The following EFCAB6 variants were observed in gnomAD, a reference collection of about 807,000 sequenced individuals.
EFCAB6 encodes EF-hand calcium-binding domain-containing protein 6.
In EFCAB6, 156 loss-of-function variants were observed where a neutral mutation model predicts 169.8. That is an observed-to-expected ratio of 0.92 (90% CI 0.81 to 1.05). The LOEUF (loss-of-function observed/expected upper bound fraction) is 1.05. Among genes scored for constraint, EFCAB6 ranks in the 50% least tolerant of loss-of-function variants. The pLI, the probability that EFCAB6 is intolerant of heterozygous loss-of-function variation, is 0.00. For synonymous variants in EFCAB6, 698 were observed against 676.4 expected (o/e 1.03, Z -0.50); for missense variants, 1,800 against 1,829.1 (o/e 0.98, Z 0.29).
At chr22:43,632,006 C>T in intron 19 of EFCAB6, 99 bp downstream of exon 19, 1 of 1,496,892 alleles carries the variant, frequency 6.7e-7, no homozygotes, top group South Asian at 1.4e-5. Flanking sequence ...CTTGGGCTGA[C>T]TGGGACATGA....
At chr22:43,671,113 G>A (rs1199925703) in intron 15 of EFCAB6, among the ~76,000 whole-genome samples, 3 of 152,230 alleles carry the variant, frequency 2.0e-5, no homozygotes, top group Non-Finnish European at 4.4e-5. Flanking sequence ...GCTGGTGGAG[G>A]GCCTGTGAAC....
chr22:43,612,283 G>A (rs1483068596), intron 21 of EFCAB6, among the ~76,000 whole-genome samples: 2 of 152,008 alleles, frequency 1.3e-5, no homozygotes, highest in Non-Finnish European at 2.9e-5. Flanking sequence ...ATTTCATGAC[G>A]AAAGAAAAAA....
chr22:43,666,450 C>T (rs2057252310), intron 17 of EFCAB6, among the ~76,000 whole-genome samples: 1 of 152,200 alleles, frequency 6.6e-6, no homozygotes, highest in Admixed American at 6.5e-5. Context: ...TATTTTATTG[C>T]CTTCTTCTAA....
chr22:43,637,998 A>G (rs1320277600), intron 17 of EFCAB6, among the ~76,000 whole-genome samples: 2 of 152,214 alleles, frequency 1.3e-5, no homozygotes, highest in African/African-American at 4.8e-5. Context: ...GTGAGGTGCC[A>G]GGGAGATTCG....
chr22:43,762,718 T>A (rs184009329), intron 5 of EFCAB6, among the ~76,000 whole-genome samples: 1 of 152,338 alleles, frequency 6.6e-6, no homozygotes, highest in East Asian at 1.9e-4. Context: ...GAGTAACTCA[T>A]GATCTCTTTC....
chr22:43,690,025 G>C (rs1195787601), intron 10 of EFCAB6, among the ~76,000 whole-genome samples: 1 of 152,166 alleles, frequency 6.6e-6, no homozygotes, highest in East Asian at 1.9e-4. Flanking sequence ...GACAGCCCAT[G>C]AGTCTGCCCA....
At position 43,667,213 on chromosome 22, in the gene EFCAB6, A is replaced by G. The variant is rs369508194; in HGVS notation, c.1874T>C (p.Ile625Thr). The part of the protein sequence containing the change: ...LTKKMTTEEV[I>T]EKFKKCIQQQ... Reference sequence around the variant, plus strand: ...CTGTATACACTTTTTGAATTTTTCAATCACTTCTTCTGTGGTCATCTTCTT... The same window carrying G: ...CTGTATACACTTTTTGAATTTTTCAGTCACTTCTTCTGTGGTCATCTTCTT... The change falls in exon 17 of 32, where the codon ATT becomes ACT. Residue 625 changes from isoleucine to threonine, a missense_variant. Transcript: ENST00000262726. The G allele has an allele frequency of 3.0e-5, 48 of 1,614,084 alleles. No individual in the cohort carries two copies. The highest frequency in any genetic ancestry group is 2.2e-4 in the East Asian group (10 of 44,880).
At chr22:43,766,461 T>C (rs900838462) in intron 4 of EFCAB6, among the ~76,000 whole-genome samples, 2 of 152,204 alleles carry the variant, frequency 1.3e-5, no homozygotes, top group Admixed American at 1.3e-4. Flanking sequence ...AATAGGTCAA[T>C]CTCAATGAGG....
chr22:43,533,954 CAAAT>C (rs1353230359), intron 30 of EFCAB6, among the ~76,000 whole-genome samples: 10 of 152,158 alleles, frequency 6.6e-5, no homozygotes, highest in Admixed American at 1.3e-4. Flanking sequence ...GCAAGTGCGA[CAAAT>C]TAACAAAAAC....
chr22:43,666,691 GTTTTTTTTTTTTTTTTTTTTTTTTC>G (rs2057268282), intron 17 of EFCAB6, among the ~76,000 whole-genome samples: 10 of 77,886 alleles, frequency 1.3e-4, no homozygotes, highest in African/African-American at 5.1e-4. Context: ...CTGCCAGATT[GTTTTTTTTTTTTTTTTTTTTTTTTC>G]ATTCTAGAGG....
At chr22:43,545,095 C>T (rs537759467) in intron 27 of EFCAB6, among the ~76,000 whole-genome samples, 29 of 152,184 alleles carry the variant, frequency 1.9e-4, no homozygotes, top group African/African-American at 5.5e-4. Flanking sequence ...TGCAGTGAGC[C>T]GAGATCGCAC....
intron 3 of EFCAB6, among the ~76,000 whole-genome samples, chr22:43,776,252 G>A (rs1392846940): frequency 6.6e-6 from 1 of 152,208 alleles, no homozygotes; most frequent in African/African-American, 2.4e-5. Context: ...AGAAGGGGCC[G>A]TGGGAAACAC....
Position 43,773,047 on chromosome 22 carries a change from G to T in EFCAB6, c.196C>A (p.Gln66Lys). Residue 66 changes from glutamine to lysine, a missense_variant, in exon 4 of 32, where the codon CAA (glutamine) becomes AAA (lysine). Physicochemically the swap from Gln to Lys is moderately conservative, Grantham distance 53. Transcript: ENST00000262726. ...TCATCCCCTCTGTCGGTAATTTTTT[G>T]AAATAAAATCCGTTTAACATCTAAG... ...SSLDVKRILF[Q>K]KITDRGDELQ... is the part of the protein sequence containing the mutation. The T allele has an allele frequency of 6.2e-7, 1 of 1,614,178 alleles. No homozygotes were observed.
intron 26 of EFCAB6, among the ~76,000 whole-genome samples, chr22:43,562,293 G>A (rs1883602): frequency 0.75 from 113,809 of 152,050 alleles, 42,717 homozygotes; most frequent in Admixed American, 0.81. Flanking sequence ...CAAAATACAT[G>A]AAAGAAATAA....
chr22:43,646,730 G>A (rs1020061588), intron 17 of EFCAB6, among the ~76,000 whole-genome samples: 4 of 152,074 alleles, frequency 2.6e-5, no homozygotes, highest in Non-Finnish European at 5.9e-5. Context: ...AGAAGTTCAG[G>A]CTAACTAAAA....
intron 10 of EFCAB6, among the ~76,000 whole-genome samples, chr22:43,693,801 C>T (rs191512043): frequency 2.0e-5 from 3 of 151,626 alleles, no homozygotes; most frequent in Non-Finnish European, 4.4e-5. Context: ...AGCATTATGC[C>T]AATACATTTG....
intron 29 of EFCAB6, chr22:43,535,336 G>A (rs1707403788): frequency 6.5e-6 from 1 of 154,202 alleles, no homozygotes; most frequent in Admixed American, 6.5e-5. Flanking sequence ...TCTAGTGTCT[G>A]TTATGCAAGG....
chr22:43,716,210 T>C (rs1310548081), intron 9 of EFCAB6, among the ~76,000 whole-genome samples: 1 of 152,216 alleles, frequency 6.6e-6, no homozygotes, highest in East Asian at 1.9e-4. Flanking sequence ...AAGGTTATAA[T>C]CTTCGTTCCC....
At chr22:43,613,129 T>C (rs1411146166) in intron 21 of EFCAB6, among the ~76,000 whole-genome samples, 1 of 147,982 alleles carries the variant, frequency 6.8e-6, no homozygotes, top group South Asian at 2.1e-4. Flanking sequence ...TATATTTATA[T>C]AACATAAATA....
Sources: gnomAD v4.1 joint callset for allele counts (sites outside exome capture counted in the v4.1 genomes callset) on GRCh38, gnomAD v4.1.1 for gene constraint, MANE v1.5 for transcripts, NCBI Gene and HGNC (gene_info 2026-07-23, HGNC 2026-07-21) for gene names.